CYB5R3: variants seen among roughly 807,000 people sequenced by gnomAD.
CYB5R3 encodes NADH-cytochrome b5 reductase 3.
CYB5R3 carries 28 observed loss-of-function variants against 36.5 expected under a neutral mutation model. The observed-to-expected ratio is 0.77, with a 90% confidence interval of 0.57 to 1.05. The LOEUF (loss-of-function observed/expected upper bound fraction) is 1.05. Among genes scored for constraint, CYB5R3 ranks in the 50% least tolerant of loss-of-function variants. The probability of loss-of-function intolerance (pLI) is 0.00; values close to 1 mark genes in which losing one functional copy is unlikely to be tolerated. For synonymous variants in CYB5R3, 181 were observed against 159.8 expected (o/e 1.13, Z -1.00); for missense variants, 474 against 408.9 (o/e 1.16, Z -1.37).
chr22:42,638,043 G>A (rs754971814), intron 1 of CYB5R3, among the ~76,000 whole-genome samples: 23 of 152,296 alleles, frequency 1.5e-4, no homozygotes, highest in Admixed American at 3.9e-4. Flanking sequence ...GAGTCCACGA[G>A]TTCAAGACCA....
intron 2 of CYB5R3, among the ~76,000 whole-genome samples, chr22:42,634,620 TATTGATTG>T (rs202176575): frequency 7.0e-6 from 1 of 143,680 alleles, no homozygotes; most frequent in Non-Finnish European, 1.5e-5. Context: ...CTAATTTTCA[TATTGATTG>T]ATTGATTGAT....
Position 42,636,748 on chromosome 22 carries a change from G to A in CYB5R3, c.120C>T (p.Asp40=), listed in dbSNP as rs376757098. ...CGATGAGCCGCAGCGGGTACTTGAT[G>A]TCCGGGCTCTCGAGGGTGATGGCTG... is the stretch of plus-strand genomic sequence containing the variant. ...STPAITLESP[D]IKYPLRLIDR... is the part of the protein sequence containing the mutation. The change falls in exon 2 of 9, where the codon GAC becomes GAT. Residue 40 remains aspartate (D), a synonymous_variant. Transcript: ENST00000352397. The A allele has an allele frequency of 3.1e-6, 5 of 1,613,460 alleles. No individual in the cohort carries two copies. The African/African-American group carries it at 4.0e-5, about 13-fold the overall frequency.
intron 4 of CYB5R3, among the ~76,000 whole-genome samples, chr22:42,628,872 G>A (rs750613300): frequency 6.6e-6 from 1 of 152,162 alleles, no homozygotes; most frequent in Non-Finnish European, 1.5e-5. Context: ...GGCTGGGGGA[G>A]GGACAGCGTG....
In CYB5R3 at chr22:42,618,250, T is replaced by C. The variant is rs1239095023; in HGVS notation, c.*1523A>G. The C allele has an allele frequency of 6.6e-6, 1 of 152,228 alleles. No homozygotes were observed. Among genetic ancestry groups the C allele is most frequent in the East Asian group, 1.9e-4 (1 of 5,200 alleles). 9.4% of individuals were successfully genotyped at this position (152,228 alleles called of 1,614,324 possible). A position where few individuals can be genotyped will look rare whatever the true frequency, so the allele number is the denominator to read the frequency against. On this transcript the variant is annotated 3_prime_UTR_variant, in exon 9 of 9. Transcript: ENST00000352397. Reference sequence around the variant, plus strand: ...ACCACAAAGATACATCAGAAATAAATGCTGGAGCCGGGCGCAGTGGCTCAC... The same window carrying C: ...ACCACAAAGATACATCAGAAATAAACGCTGGAGCCGGGCGCAGTGGCTCAC...
At position 42,618,720 on chromosome 22, in the gene CYB5R3, A is replaced by AAG. The variant is rs1173879248; in HGVS notation, c.*1052_*1053insCT. The AAG allele has an allele frequency of 3.3e-5, 5 of 149,448 alleles. No homozygotes were observed. The highest frequency in any genetic ancestry group is 1.3e-4 in the African/African-American group (5 of 38,934). 9.3% of individuals were successfully genotyped at this position (149,448 alleles called of 1,614,324 possible). ...GAGACTCCGTCTCAAAAAAAAAAAA[A>AAG]AAAGAAAAAAAAAATGCTAGGTCTT... On this transcript the variant is annotated 3_prime_UTR_variant, in exon 9 of 9. Transcript: ENST00000352397.
At chr22:42,622,179 C>A (rs2018557) in intron 8 of CYB5R3, among the ~76,000 whole-genome samples, 54,512 of 152,054 alleles carry the variant, frequency 0.36, 12,019 homozygotes, top group South Asian at 0.5. Context: ...CTCGGCCTCC[C>A]AAAGTGCTGG....
chr22:42,631,343 G>T (rs764275131), intron 3 of CYB5R3, 35 bp downstream of exon 3: 5 of 1,541,608 alleles, frequency 3.2e-6, no homozygotes, highest in Middle Eastern at 1.7e-4. Context: ...GCAGCCTGCC[G>T]GGCTCCGAAT....
intron 7 of CYB5R3, among the ~76,000 whole-genome samples, chr22:42,624,259 A>G (rs984513435): frequency 1.3e-5 from 2 of 152,256 alleles, no homozygotes; most frequent in African/African-American, 4.8e-5. Flanking sequence ...CCAGGGGGTC[A>G]GCCCGGGAGC....
intron 8 of CYB5R3, among the ~76,000 whole-genome samples, chr22:42,622,287 G>A (rs1173940283): frequency 6.6e-6 from 1 of 152,084 alleles, no homozygotes; most frequent in Non-Finnish European, 1.5e-5. Flanking sequence ...GCTGACCTCC[G>A]CTCCAGCCGC....
chr22:42,649,298 G>A lies in CYB5R3; in HGVS notation c.18C>T (p.Ser6=). Residue 6 remains serine (S), a synonymous_variant, in exon 1 of 9, where the codon AGC becomes AGT. Coordinates refer to ENST00000352397, the MANE Select transcript of CYB5R3 (RefSeq NM_000398.7). ...CCGGCGCCCCCTCCCCGCCTACCGT[G>A]CTGAGCTGGGCCCCCATGGTGGCCC... MGAQL[S]TLGHMVLFPV... 1 of 1,024,008 alleles carries A rather than the reference G, an allele frequency of 9.8e-7. No homozygotes were observed. The highest frequency in any genetic ancestry group is 1.2e-6 in the Non-Finnish European group (1 of 852,148). 63.4% of individuals were successfully genotyped at this position (1,024,008 alleles called of 1,614,324 possible).
intron 1 of CYB5R3, chr22:42,639,097 A>C: frequency 2.4e-6 from 1 of 422,980 alleles, no homozygotes; most frequent in South Asian, 1.7e-5. Flanking sequence ...TGGGAGCCCA[A>C]GGCAGGCAGA....
intron 8 of CYB5R3, 141 bp from the exon 9 acceptor site, chr22:42,620,086 C>T: frequency 1.2e-6 from 1 of 834,104 alleles, no homozygotes; most frequent in Non-Finnish European, 2.0e-6. Context: ...GGACCCCCTG[C>T]CCCCAACCCT....
intron 8 of CYB5R3, among the ~76,000 whole-genome samples, chr22:42,623,507 T>C (rs1008768382): frequency 1.3e-5 from 2 of 152,136 alleles, no homozygotes; most frequent in African/African-American, 4.8e-5. Context: ...GAGGGGACGC[T>C]GGCCTTCTCT....
At position 42,628,229 on chromosome 22, in the gene CYB5R3, T is replaced by A. The variant is rs1244673706; in HGVS notation, c.386A>T (p.Gln129Leu). 1 of 1,614,016 alleles carries A rather than the reference T, an allele frequency of 6.2e-7. No individual in the cohort carries two copies. The highest frequency in any genetic ancestry group is 8.5e-7 in the Non-Finnish European group (1 of 1,179,996). ...PKFPAGGKMS[Q>L]YLESMQIGDT... ...TCCAATCTGCATGCTCTCCAGGTAC[T>A]GAGACATCTTCCCTCCAGCGGGAAA... The change falls in exon 5 of 9, where the codon CAG becomes CTG. Residue 129 changes from glutamine to leucine, a missense_variant. Transcript: ENST00000352397.
intron 1 of CYB5R3, chr22:42,638,951 T>C: frequency 3.0e-6 from 1 of 332,364 alleles, no homozygotes; most frequent in Non-Finnish European, 5.9e-6. Flanking sequence ...GGAGAAATGC[T>C]TGAAGCTAGG....
At chr22:42,630,768 G>A in intron 4 of CYB5R3, 114 bp downstream of exon 4, 3 of 914,198 alleles carry the variant, frequency 3.3e-6, no homozygotes, top group Non-Finnish European at 5.3e-6. Context: ...CCATGACCGA[G>A]GCTGGGCTGC....
chr22:42,642,449 T>C (rs1929328764), intron 1 of CYB5R3, among the ~76,000 whole-genome samples: 1 of 151,876 alleles, frequency 6.6e-6, no homozygotes, highest in Non-Finnish European at 1.5e-5. Flanking sequence ...GAAATTATTA[T>C]TTTTTTTGAG....
chr22:42,620,782 T>C (rs1224659007), intron 8 of CYB5R3, among the ~76,000 whole-genome samples: 1 of 152,200 alleles, frequency 6.6e-6, no homozygotes, highest in African/African-American at 2.4e-5. Flanking sequence ...GTCCTCTTTA[T>C]CTCATGGACT....
intron 7 of CYB5R3, among the ~76,000 whole-genome samples, chr22:42,624,805 G>A (rs1263422735): frequency 6.6e-6 from 1 of 152,098 alleles, no homozygotes; most frequent in African/African-American, 2.4e-5. Flanking sequence ...GGGCAAGGGC[G>A]GGGTGGACTC....
Sources: gnomAD v4.1 joint callset for allele counts (sites outside exome capture counted in the v4.1 genomes callset) on GRCh38, gnomAD v4.1.1 for gene constraint, MANE v1.5 for transcripts, NCBI Gene and HGNC (gene_info 2026-07-23, HGNC 2026-07-21) for gene names.